GNA14: variants seen among roughly 807,000 people sequenced by gnomAD.
GNA14 encodes the protein G protein subunit alpha 14, also known as guanine nucleotide-binding protein subunit alpha-14.
Under a neutral mutation model 42.0 loss-of-function variants are expected in GNA14, and 50 were observed. The observed-to-expected ratio is 1.19, with a 90% CI of 0.95 to 1.51. The LOEUF is 1.51. GNA14 is among the 40% of genes most tolerant of loss of function. The probability of loss-of-function intolerance (pLI) is 0.00; values close to 1 mark genes in which losing one functional copy is unlikely to be tolerated. For synonymous variants in GNA14, 173 were observed against 163.1 expected, an observed-to-expected ratio of 1.06 and a Z score of -0.46; for missense variants, 473 against 446.2, an observed-to-expected ratio of 1.06 and a Z score of -0.54.
intron 1 of GNA14, among the ~76,000 whole-genome samples, chr9:77,558,916 A>C (rs1008062979): frequency 7.6e-6 from 1 of 131,010 alleles, no homozygotes; most frequent in African/African-American, 3.7e-5. Flanking sequence ...AAAAGGTGTT[A>C]AAAAACAAAA....
chr9:77,566,009 T>G (rs1057244072), intron 1 of GNA14, among the ~76,000 whole-genome samples: 1 of 152,132 alleles, frequency 6.6e-6, no homozygotes, highest in Admixed American at 6.5e-5. Context: ...AGGCCAGGGT[T>G]GCTGTTAAAC....
At chr9:77,556,841 A>G (rs1176692895) in intron 1 of GNA14, among the ~76,000 whole-genome samples, 1 of 152,220 alleles carries the variant, frequency 6.6e-6, no homozygotes, top group Non-Finnish European at 1.5e-5. Flanking sequence ...GGCAGGTACA[A>G]CTTCAGCCGT....
At chr9:77,433,156 G>C (rs1484550819) in intron 3 of GNA14, among the ~76,000 whole-genome samples, 1 of 152,146 alleles carries the variant, frequency 6.6e-6, no homozygotes, top group Non-Finnish European at 1.5e-5. Context: ...GCCTTGTCCA[G>C]CTCAATGCCT....
At chr9:77,630,696 C>A (rs529049391) in intron 1 of GNA14, among the ~76,000 whole-genome samples, 1 of 151,980 alleles carries the variant, frequency 6.6e-6, no homozygotes, top group African/African-American at 2.4e-5. Context: ...AGCATTAAAG[C>A]CTTAGAAAAA....
chr9:77,439,766 C>T (rs1042850230), intron 2 of GNA14, among the ~76,000 whole-genome samples: 2 of 152,216 alleles, frequency 1.3e-5, no homozygotes, highest in Non-Finnish European at 2.9e-5. Flanking sequence ...TCTATGGCAC[C>T]TGCACTCTGA....
intron 1 of GNA14, among the ~76,000 whole-genome samples, chr9:77,546,443 C>T (rs140461184): frequency 1.1e-4 from 16 of 152,214 alleles, no homozygotes; most frequent in African/African-American, 3.9e-4. Context: ...TGACATCTCT[C>T]TCTGAAAGAG....
At chr9:77,631,592 T>C (rs1824101299) in intron 1 of GNA14, among the ~76,000 whole-genome samples, 1 of 151,982 alleles carries the variant, frequency 6.6e-6, no homozygotes, top group East Asian at 1.9e-4. Flanking sequence ...CTCTAGAACA[T>C]TGGCCCACAG....
chr9:77,575,318 G>T (rs186068517), intron 1 of GNA14, among the ~76,000 whole-genome samples: 1 of 152,156 alleles, frequency 6.6e-6, no homozygotes, highest in Admixed American at 6.5e-5. Flanking sequence ...GAAGGCGGAC[G>T]TTGCAGTGAG....
Position 77,603,896 on chromosome 9 carries a change from A to T in GNA14, c.124+43774T>A, listed in dbSNP as rs926292551. The stretch of plus-strand genomic sequence containing the variant: ...GAGGTGGAGCTTGCAGTGAGCCAAG[A>T]TTGCACCACTGCACTCCAGCCTGGG... On this transcript the variant is annotated intron_variant, in intron 1 of 6. Transcript: ENST00000341700. Among the ~76,000 whole-genome samples the T allele has an allele frequency of 2.2e-5, 3 of 135,550 alleles. No individual in the cohort carries two copies. In the Admixed American group the frequency reaches 2.4e-4, roughly 11 times the overall value. The allele number at this position is 135,550 out of a possible 152,430, so 88.9% of individuals were successfully genotyped here.
Position 77,431,339 on chromosome 9 carries a change from A to T in GNA14, c.575T>A (p.Leu192Ter). The T allele has an allele frequency of 6.2e-7, 1 of 1,613,882 alleles. No individual in the cohort carries two copies. Among genetic ancestry groups the T allele is most frequent in the Non-Finnish European group, 8.5e-7 (1 of 1,179,844 alleles). The change falls in exon 4 of 7, where the codon TTG becomes TAG. Residue 192 changes from leucine (L) to a stop codon, truncating the protein, a stop_gained. Coordinates refer to ENST00000341700, the MANE Select transcript of GNA14 (RefSeq NM_004297.4). LOFTEE classifies it high-confidence loss of function. ...GACTTACCGAAAGATGATGTTTTCC[A>T]AGTCAAATGGATACTCAATGATGCC... Reference protein sequence around the residue: ...TTGIIEYPFDLENIIFRMVDV... With the variant: ...TTGIIEYPFD
intron 1 of GNA14, among the ~76,000 whole-genome samples, chr9:77,591,166 T>G (rs961412253): frequency 2.0e-5 from 3 of 152,230 alleles, no homozygotes; most frequent in African/African-American, 7.2e-5. Context: ...CCGAGTAGAA[T>G]CATCCTGATC....
intron 1 of GNA14, among the ~76,000 whole-genome samples, chr9:77,555,741 A>G (rs1822766206): frequency 6.6e-6 from 1 of 152,232 alleles, no homozygotes; most frequent in South Asian, 2.1e-4. Context: ...CACCATTAGT[A>G]ACCGTGAATA....
intron 2 of GNA14, among the ~76,000 whole-genome samples, chr9:77,516,809 T>C (rs1047095648): frequency 1.3e-4 from 20 of 152,184 alleles, no homozygotes; most frequent in African/African-American, 4.8e-4. Context: ...AGTTACACCT[T>C]TGTGGACAGT....
intron 1 of GNA14, among the ~76,000 whole-genome samples, chr9:77,646,279 T>G (rs1250427828): frequency 2.0e-5 from 3 of 152,228 alleles, no homozygotes; most frequent in Non-Finnish European, 4.4e-5. Flanking sequence ...GGATCAGGTC[T>G]GCCTTCTTTT....
At chr9:77,450,132 G>A (rs1028677429) in intron 2 of GNA14, among the ~76,000 whole-genome samples, 10 of 152,126 alleles carry the variant, frequency 6.6e-5, no homozygotes, top group African/African-American at 1.2e-4. Context: ...TCTGGTTGCC[G>A]GCTGGTGGGA....
chr9:77,510,004 T>G (rs1281143823), intron 2 of GNA14, among the ~76,000 whole-genome samples: 2 of 152,196 alleles, frequency 1.3e-5, no homozygotes, highest in Non-Finnish European at 1.5e-5. Flanking sequence ...CAATTTAAAG[T>G]CTACAATTCA....
In GNA14 at chr9:77,627,686, T is replaced by C. The variant is rs554376093; in HGVS notation, c.124+19984A>G. 4.6e-5 allele frequency among the ~76,000 whole-genome samples: 7 copies of C among 152,236 alleles called. No individual in the cohort carries two copies. The South Asian group carries it at 1.4e-3, about 32-fold the overall frequency. ...ATGCAGAAAAGGCCTTCAATAAAAC[T>C]CAACACCCATTCATGCTAAAAACTC... On this transcript the variant is annotated intron_variant, in intron 1 of 6. Transcript: ENST00000341700.
At chr9:77,640,413 A>T (rs1480626709) in intron 1 of GNA14, among the ~76,000 whole-genome samples, 1 of 152,188 alleles carries the variant, frequency 6.6e-6, no homozygotes, top group Non-Finnish European at 1.5e-5. Flanking sequence ...GGGAGTTGTT[A>T]CAGTGGTATT....
At chr9:77,467,560 C>T (rs2131718517) in intron 2 of GNA14, among the ~76,000 whole-genome samples, 1 of 150,844 alleles carries the variant, frequency 6.6e-6, no homozygotes, top group East Asian at 1.9e-4. Flanking sequence ...TGCTCACCAC[C>T]AACATGTCTA....
Sources: allele counts gnomAD v4.1 joint callset (sites outside exome capture counted in the v4.1 genomes callset), GRCh38; gene constraint gnomAD v4.1.1; transcripts MANE v1.5; gene names NCBI Gene and HGNC (gene_info 2026-07-23, HGNC 2026-07-21).